ANKRD45: variants seen among roughly 807,000 people sequenced by gnomAD.
ANKRD45 encodes the protein ankyrin repeat domain 45, also known as ankyrin repeat domain-containing protein 45.
A neutral mutation model predicts 28.1 loss-of-function variants in ANKRD45; 21 were observed. The observed-to-expected ratio is 0.75, with a 90% CI of 0.53 to 1.08. ANKRD45 has a LOEUF of 1.08. Ranked by LOEUF, ANKRD45 falls within the 50% of genes least tolerant of loss-of-function variation. The probability of loss-of-function intolerance (pLI) is 0.00; values close to 1 mark genes in which losing one functional copy is unlikely to be tolerated. For synonymous variants in ANKRD45, 86 were observed against 103.9 expected (o/e 0.83, Z 1.05); for missense variants, 261 against 308.7 (o/e 0.85, Z 1.16).
intron 1 of ANKRD45, chr1:173,667,564 G>A (rs1558150214): frequency 4.0e-6 from 1 of 247,238 alleles, no homozygotes; most frequent in East Asian, 1.3e-4. Flanking sequence ...AAATTAGTCG[G>A]GCATAGTGGC....
chr1:173,645,894 C>A (rs1668897808), intron 3 of ANKRD45, among the ~76,000 whole-genome samples: 1 of 152,142 alleles, frequency 6.6e-6, no homozygotes, highest in African/African-American at 2.4e-5. Flanking sequence ...ACTTGCTCTG[C>A]CAATTTTAAC....
the ANKRD45 span, among the ~76,000 whole-genome samples, chr1:173,694,742 G>A: frequency 1.8e-4 from 28 of 152,062 alleles, no homozygotes; most frequent in African/African-American, 6.7e-4. Flanking sequence ...GGTCTCCAAT[G>A]TCCATTATAC....
At chr1:173,613,030 G>C (rs1355969900) in intron 5 of ANKRD45, among the ~76,000 whole-genome samples, 2 of 152,106 alleles carry the variant, frequency 1.3e-5, no homozygotes, top group Non-Finnish European at 2.9e-5. Context: ...GGGAAGTGAG[G>C]AGCGTCTCTG....
At chr1:173,693,068 G>C in the ANKRD45 span, among the ~76,000 whole-genome samples, 4 of 152,264 alleles carry the variant, frequency 2.6e-5, no homozygotes, top group South Asian at 4.1e-4. Context: ...GGGGGGCCGG[G>C]GGGGTGGATC....
intron 1 of ANKRD45, among the ~76,000 whole-genome samples, chr1:173,661,416 G>T (rs1032552183): frequency 6.6e-6 from 1 of 152,186 alleles, no homozygotes; most frequent in African/African-American, 2.4e-5. Flanking sequence ...ATTTGGTTAA[G>T]TATAGGCCAT....
At chr1:173,700,115 G>GA in the ANKRD45 span, among the ~76,000 whole-genome samples, 1 of 152,152 alleles carries the variant, frequency 6.6e-6, no homozygotes, top group Non-Finnish European at 1.5e-5. Context: ...AACTTACAAG[G>GA]AATGTGAAGG....
chr1:173,642,194 G>T (rs1668732687), intron 3 of ANKRD45, among the ~76,000 whole-genome samples: 1 of 152,136 alleles, frequency 6.6e-6, no homozygotes, highest in African/African-American at 2.4e-5. Context: ...TGGTTCAGGG[G>T]ATGGAAAGGG....
At chr1:173,696,225 C>A in the ANKRD45 span, among the ~76,000 whole-genome samples, 1 of 152,154 alleles carries the variant, frequency 6.6e-6, no homozygotes, top group Non-Finnish European at 1.5e-5. Context: ...CTCAGACTGG[C>A]TGATACTTAG....
the ANKRD45 span, among the ~76,000 whole-genome samples, chr1:173,698,582 C>T: frequency 3.1e-4 from 47 of 151,854 alleles, no homozygotes; most frequent in African/African-American, 1.0e-3. Context: ...GGGTAAATAA[C>T]GAAATGAAGG....
At chr1:173,617,413 G>A (rs1436332308) in intron 5 of ANKRD45, among the ~76,000 whole-genome samples, 2 of 152,356 alleles carry the variant, frequency 1.3e-5, no homozygotes, top group Non-Finnish European at 2.9e-5. Flanking sequence ...CATTTCTGCA[G>A]TTTGTTCAAC....
chr1:173,633,106 C>T (rs1044303670), intron 3 of ANKRD45, among the ~76,000 whole-genome samples: 1 of 151,666 alleles, frequency 6.6e-6, no homozygotes, highest in African/African-American at 2.4e-5. Flanking sequence ...GTAAAGACTC[C>T]ACCAAACAAT....
At chr1:173,700,657 A>T in the ANKRD45 span, among the ~76,000 whole-genome samples, 1 of 152,204 alleles carries the variant, frequency 6.6e-6, no homozygotes, top group African/African-American at 2.4e-5. Flanking sequence ...CTTACACCTT[A>T]TACAAAAATT....
chr1:173,648,791 CA>C (rs1313168119), intron 2 of ANKRD45, among the ~76,000 whole-genome samples: 1 of 152,146 alleles, frequency 6.6e-6, no homozygotes, highest in Non-Finnish European at 1.5e-5. Context: ...GTTAGGGACA[CA>C]ATGCCAAATA....
chr1:173,663,780 A>G (rs1342262967), intron 1 of ANKRD45, among the ~76,000 whole-genome samples: 2 of 152,322 alleles, frequency 1.3e-5, no homozygotes, highest in South Asian at 2.1e-4. Context: ...TATATCTTGT[A>G]TAAATTATTT....
chr1:173,669,606 C>T (rs1670174483), intron 1 of ANKRD45: 1 of 420,138 alleles, frequency 2.4e-6, no homozygotes, highest in Non-Finnish European at 4.8e-6. Context: ...CCTGAATTCC[C>T]TAGGGACCTT....
intron 3 of ANKRD45, chr1:173,636,780 T>C (rs1668463734): frequency 2.2e-6 from 3 of 1,337,244 alleles, no homozygotes; most frequent in Non-Finnish European, 2.1e-6. Context: ...AGTATTGAAC[T>C]CTACTGTTTT....
In ANKRD45 at chr1:173,620,170, T is replaced by C. The variant is rs1667640285; in HGVS notation, c.730+4617A>G. 2.0e-5 allele frequency among the ~76,000 whole-genome samples: 3 copies of C among 152,216 alleles called. 1 individual carries two copies. The highest frequency in any genetic ancestry group is 2.0e-4 in the Admixed American group (3 of 15,278). Reference sequence around the variant, plus strand: ...AATATACGTTCTTCTCATCACCACGTGGCACTTACTCAAAAATTGATCACA... The same window carrying C: ...AATATACGTTCTTCTCATCACCACGCGGCACTTACTCAAAAATTGATCACA... On this transcript the variant is annotated intron_variant, in intron 5 of 5. Transcript: ENST00000333279.
rs189307008 is a variant in ANKRD45 at position 173,619,243 on chromosome 1, T to C, written c.730+5544A>G. On this transcript the variant is annotated intron_variant, in intron 5 of 5. Transcript: ENST00000333279. Reference sequence around the variant, plus strand: ...AACCACATAAACAAGTCTGCAAAAATAACCAGCTAGCATCATGATGACAGG... The same window carrying C: ...AACCACATAAACAAGTCTGCAAAAACAACCAGCTAGCATCATGATGACAGG... Among the ~76,000 whole-genome samples, 42 of 152,228 alleles carry C rather than the reference T, an allele frequency of 2.8e-4. No homozygotes were observed. In the Middle Eastern group the frequency reaches 0.01, roughly 37 times the overall value.
chr1:173,698,617 C>A, the ANKRD45 span, among the ~76,000 whole-genome samples: 4 of 107,058 alleles, frequency 3.7e-5, no homozygotes, highest in African/African-American at 1.1e-4. Flanking sequence ...TTCTTTGAAA[C>A]CAATGAGAAC....
Sources: allele counts gnomAD v4.1 joint callset (sites outside exome capture counted in the v4.1 genomes callset), GRCh38; gene constraint gnomAD v4.1.1; transcripts MANE v1.5; gene names NCBI Gene and HGNC (gene_info 2026-07-23, HGNC 2026-07-21).